PCDHGA3: variants seen among roughly 807,000 people sequenced by gnomAD.
PCDHGA3 encodes protocadherin gamma subfamily A, 3, also known as protocadherin gamma-A3.
Under a neutral mutation model 58.5 loss-of-function variants are expected in PCDHGA3, and 40 were observed. That is an observed-to-expected ratio of 0.68 (90% CI 0.53 to 0.89). The LOEUF is 0.89. PCDHGA3 is among the 40% of genes least tolerant of loss of function. The pLI is 0.00. For synonymous variants in PCDHGA3, 530 were observed against 525.7 expected, an observed-to-expected ratio of 1.01 and a Z score of -0.11; for missense variants, 1,223 against 1,195.9, an observed-to-expected ratio of 1.02 and a Z score of -0.33.
intron 1 of PCDHGA3, chr5:141,350,546 A>C (rs886105437): frequency 2.5e-6 from 4 of 1,613,906 alleles, no homozygotes; most frequent in Admixed American, 1.7e-5. Flanking sequence ...TTGCGGAAGG[A>C]AACTTGAGTG....
chr5:141,401,458 A>T (rs1470076616), intron 1 of PCDHGA3, among the ~76,000 whole-genome samples: 1 of 152,186 alleles, frequency 6.6e-6, no homozygotes, highest in Non-Finnish European at 1.5e-5. Context: ...CATCCAAATA[A>T]TTTTCTAAGT....
At chr5:141,433,084 T>G in intron 1 of PCDHGA3, 1 of 1,614,184 alleles carries the variant, frequency 6.2e-7, no homozygotes, top group Non-Finnish European at 8.5e-7. Flanking sequence ...AGCCCAACTA[T>G]GCAGACATGC....
chr5:141,360,387 A>AC (rs1216903112), intron 1 of PCDHGA3: 2 of 1,613,826 alleles, frequency 1.2e-6, no homozygotes, highest in African/African-American at 2.7e-5. Flanking sequence ...GCGGAGACTT[A>AC]CTTGTGAGTG....
rs1259831891 is a variant in PCDHGA3 at position 141,383,082 on chromosome 5, G to C, written c.2424+36625G>C. 36 of 1,613,934 alleles carry C rather than the reference G, an allele frequency of 2.2e-5. 1 individual carries two copies. The highest frequency in any genetic ancestry group is 3.1e-5 in the Non-Finnish European group (36 of 1,179,910). ...GGCTGGAGCCCCGGGAGCTGGCGGA[G>C]CGCGGAGTCCGCATCATCTCCAGAG... On this transcript the variant is annotated intron_variant, in intron 1 of 3. Transcript: ENST00000253812.
At chr5:141,376,259 C>T (rs2150078832) in intron 1 of PCDHGA3, 1 of 1,614,236 alleles carries the variant, frequency 6.2e-7, no homozygotes, top group African/African-American at 1.3e-5. Context: ...ACGCCTGCTG[C>T]AGGCTTCGGG....
chr5:141,383,984 T>C, intron 1 of PCDHGA3: 1 of 1,613,834 alleles, frequency 6.2e-7, no homozygotes, highest in African/African-American at 1.3e-5. Context: ...GACACACCTC[T>C]TGGGACAGTC....
At chr5:141,372,662 T>C in intron 1 of PCDHGA3, 1 of 1,614,056 alleles carries the variant, frequency 6.2e-7, no homozygotes, top group Non-Finnish European at 8.5e-7. Context: ...ATCCGTGTGC[T>C]GCCTCACATT....
chr5:141,490,604 A>T lies in PCDHGA3; in HGVS notation c.2425-4203A>T, dbSNP rs749528675. ...GTCAATGACAATGCACCCCGCTTCA[A>T]CCAGCAGCTTTACACTGCTTACATC... On this transcript the variant is annotated intron_variant, in intron 1 of 3. Transcript: ENST00000253812. The surrounding 1 kb of genome is among the most constrained non-coding windows in gnomAD (Gnocchi z 5.4). 6.2e-7 allele frequency: 1 copy of T among 1,614,192 alleles called. No homozygotes were observed. The highest frequency in any genetic ancestry group is 8.5e-7 in the Non-Finnish European group (1 of 1,180,022).
chr5:141,416,699 T>C (rs1232694721), intron 1 of PCDHGA3: 1 of 152,092 alleles, frequency 6.6e-6, no homozygotes, highest in Non-Finnish European at 1.5e-5. Context: ...AAACAAAGGA[T>C]CATTGGAGGT....
At chr5:141,458,735 A>G (rs2098952642) in intron 1 of PCDHGA3, among the ~76,000 whole-genome samples, 1 of 148,560 alleles carries the variant, frequency 6.7e-6, no homozygotes, top group East Asian at 2.0e-4. Context: ...ACATCCAGCT[A>G]TTGGTTTTGG....
Position 141,345,314 on chromosome 5 carries a change from G to C in PCDHGA3, c.1281G>C (p.Gly427=), listed in dbSNP as rs1343984068. ...ACATTAGTCTGAGAGCCTCAGATGG[G>C]GGAAGCCCGCCACTGTCCACAGAAA... ...EYNISLRASD[G]GSPPLSTETH... Residue 427 remains glycine, a synonymous_variant, in exon 1 of 4, where the codon GGG becomes GGC. Coordinates refer to ENST00000253812, the MANE Select transcript of PCDHGA3 (RefSeq NM_018916.4). The C allele has an allele frequency of 1.9e-6, 3 of 1,613,828 alleles. No homozygotes were observed. The highest frequency in any genetic ancestry group is 2.5e-6 in the Non-Finnish European group (3 of 1,179,878).
intron 1 of PCDHGA3, chr5:141,351,013 C>T (rs767340665): frequency 1.2e-5 from 20 of 1,613,944 alleles, no homozygotes; most frequent in African/African-American, 1.2e-4. Context: ...TCCAAGAAAA[C>T]GTACCGTGGG....
intron 1 of PCDHGA3, chr5:141,388,401 A>C: frequency 6.2e-7 from 1 of 1,614,026 alleles, no homozygotes; most frequent in East Asian, 2.2e-5. Context: ...TTACCAACTC[A>C]GTCCCAGTGA....
intron 1 of PCDHGA3, chr5:141,428,594 G>T (rs1317075888): frequency 4.4e-6 from 1 of 227,916 alleles, no homozygotes; most frequent in Admixed American, 5.2e-5. Context: ...CTGGTAGCAA[G>T]CTTCACTGAA....
chr5:141,472,980 C>CAAAAAAAAAAAAAAAAAAAGAAAAAAAAA (rs60579131), intron 1 of PCDHGA3, among the ~76,000 whole-genome samples: 1 of 86,106 alleles, frequency 1.2e-5, no homozygotes, highest in Admixed American at 1.2e-4. Context: ...GAGTGAAACT[C>CAAAAAAAAAAAAAAAAAAAGAAAAAAAAA]AAAAAAAAAA....
intron 1 of PCDHGA3, chr5:141,383,837 C>G: frequency 6.2e-7 from 1 of 1,613,886 alleles, no homozygotes; most frequent in Non-Finnish European, 8.5e-7. Flanking sequence ...GAAGAAACTG[C>G]CTTCTATGAA....
chr5:141,356,470 G>A lies in PCDHGA3; in HGVS notation c.2424+10013G>A, dbSNP rs1200759848. 7.4e-6 allele frequency: 12 copies of A among 1,613,636 alleles called. No individual in the cohort carries two copies. In the Middle Eastern group the frequency reaches 4.9e-4, roughly 66 times the overall value. On this transcript the variant is annotated intron_variant, in intron 1 of 3. Transcript: ENST00000253812. Reference sequence around the variant, plus strand: ...CTCAGAATATAACATCACTGTAACTGCCACTGACCAGGGAACTCCTCCACT... The same window carrying A: ...CTCAGAATATAACATCACTGTAACTACCACTGACCAGGGAACTCCTCCACT...
intron 1 of PCDHGA3, chr5:141,420,078 C>T (rs764695314): frequency 6.2e-7 from 1 of 1,614,008 alleles, no homozygotes; most frequent in Non-Finnish European, 8.5e-7. Context: ...CCTGTGGGTC[C>T]CCCCAACTAC....
At chr5:141,406,448 A>G (rs149183502) in intron 1 of PCDHGA3, among the ~76,000 whole-genome samples, 1 of 152,348 alleles carries the variant, frequency 6.6e-6, no homozygotes, top group African/African-American at 2.4e-5. Context: ...TTCCATTTCT[A>G]TGACAGGAAA....
Sources: gnomAD v4.1 joint callset for allele counts (sites outside exome capture counted in the v4.1 genomes callset) on GRCh38, gnomAD v4.1.1 for gene constraint, Gnocchi (gnomAD v3.1) non-coding constraint, MANE v1.5 for transcripts, NCBI Gene and HGNC (gene_info 2026-07-23, HGNC 2026-07-21) for gene names.